ADAM32: variants seen among roughly 807,000 people sequenced by gnomAD.
The protein encoded by ADAM32 is ADAM metallopeptidase domain 32, also known as disintegrin and metalloproteinase domain-containing protein 32.
Under a neutral mutation model 114.9 loss-of-function variants are expected in ADAM32, and 89 were observed. The observed-to-expected ratio is 0.77, with a 90% CI of 0.65 to 0.92. The LOEUF is 0.92. Ranked by LOEUF, ADAM32 falls within the 40% of genes least tolerant of loss-of-function variation. The pLI is 0.00. For missense variants in ADAM32, 870 were observed against 932.8 expected (o/e 0.93, Z 0.88); for synonymous variants, 285 against 307.5 (o/e 0.93, Z 0.77).
chr8:39,242,374 T>C (rs774868189), intron 16 of ADAM32, among the ~76,000 whole-genome samples: 6 of 152,200 alleles, frequency 3.9e-5, no homozygotes, highest in Non-Finnish European at 8.8e-5. Flanking sequence ...CTGGTACCAA[T>C]TTACTGTATT....
intron 17 of ADAM32, among the ~76,000 whole-genome samples, chr8:39,251,821 A>G (rs1342483457): frequency 1.3e-5 from 2 of 151,640 alleles, no homozygotes; most frequent in Non-Finnish European, 1.5e-5. Context: ...ATTTTCCTAC[A>G]TTTTCTCCTG....
At chr8:39,144,054 T>C (rs1018779885) in intron 3 of ADAM32, among the ~76,000 whole-genome samples, 4 of 152,238 alleles carry the variant, frequency 2.6e-5, no homozygotes, top group Non-Finnish European at 5.9e-5. Flanking sequence ...TCTCCTGGTC[T>C]GCTGATTGCT....
intron 1 of ADAM32, among the ~76,000 whole-genome samples, chr8:39,112,124 C>T (rs140821007): frequency 9.4e-4 from 143 of 152,184 alleles, no homozygotes; most frequent in African/African-American, 3.3e-3. Flanking sequence ...GTCAATTTTA[C>T]TATATTTTTA....
chr8:39,124,649 C>G (rs1340874566), intron 2 of ADAM32, among the ~76,000 whole-genome samples: 3 of 152,086 alleles, frequency 2.0e-5, no homozygotes, highest in Non-Finnish European at 4.4e-5. Context: ...ATCTCCTGAC[C>G]TTGTGATCCA....
chr8:39,184,966 C>G (rs1482195023), intron 10 of ADAM32, among the ~76,000 whole-genome samples: 1 of 152,072 alleles, frequency 6.6e-6, no homozygotes, highest in East Asian at 1.9e-4. Context: ...ACTCCTGGTC[C>G]CAATGTTCCT....
intron 11 of ADAM32, among the ~76,000 whole-genome samples, chr8:39,189,412 G>T (rs966294653): frequency 1.3e-5 from 2 of 151,898 alleles, no homozygotes; most frequent in Non-Finnish European, 2.9e-5. Context: ...ATACTTAAGC[G>T]CTCCTTCCAT....
intron 19 of ADAM32, among the ~76,000 whole-genome samples, chr8:39,260,039 T>G (rs1401253345): frequency 6.6e-6 from 1 of 152,202 alleles, no homozygotes; most frequent in Non-Finnish European, 1.5e-5. Context: ...ACTTTTTCAT[T>G]CTAGGTTCAA....
intron 17 of ADAM32, among the ~76,000 whole-genome samples, chr8:39,251,673 T>C (rs984103654): frequency 6.6e-6 from 1 of 151,974 alleles, no homozygotes; most frequent in Non-Finnish European, 1.5e-5. Context: ...GGGTTGTCTC[T>C]TCACTTTGTT....
chr8:39,131,552 G>T (rs536001309), intron 2 of ADAM32, among the ~76,000 whole-genome samples: 2 of 152,224 alleles, frequency 1.3e-5, no homozygotes, highest in African/African-American at 2.4e-5. Flanking sequence ...CTCCATTATT[G>T]TGAGTGGAGT....
chr8:39,222,254 C>A (rs949577038), intron 13 of ADAM32, among the ~76,000 whole-genome samples: 4 of 151,962 alleles, frequency 2.6e-5, no homozygotes, highest in Non-Finnish European at 5.9e-5. Flanking sequence ...CTTTTCAGCT[C>A]TTCTAAAATA....
In ADAM32 at chr8:39,192,523, A is replaced by G. The variant is rs552715030; in HGVS notation, c.1052+5478A>G. ...ATGTAGCCTGTTTACATTAAGGGTC[A>G]ATATAAATATGTGTGAATTTGATCC... On this transcript the variant is annotated intron_variant, in intron 11 of 24. Coordinates refer to ENST00000379907, the MANE Select transcript of ADAM32 (RefSeq NM_145004.7). Among the ~76,000 whole-genome samples the G allele has an allele frequency of 2.0e-4, 30 of 152,324 alleles. 1 individual carries two copies. Among genetic ancestry groups the G allele is most frequent in the Admixed American group, 3.3e-4 (5 of 15,292 alleles).
rs566478931 is a variant in ADAM32, at chr8:39,147,142, A to G, written c.213A>G (p.Ala71=). ...TTTTTATATTCAGATATTTTTTAGC[A>G]GATAATTTTATGATCTATTTGTACA... is the stretch of plus-strand genomic sequence containing the variant. ...TVHLKQRYFL[A]DNFMIYLYNQ... Residue 71 remains alanine, a synonymous_variant, in exon 4 of 25, where the codon GCA becomes GCG. Coordinates refer to ENST00000379907, the MANE Select transcript of ADAM32 (RefSeq NM_145004.7). 3.1e-6 allele frequency: 3 copies of G among 978,636 alleles called. No individual in the cohort carries two copies. In the South Asian group the frequency reaches 8.1e-5, roughly 26 times the overall value. 60.6% of individuals were successfully genotyped at this position (978,636 alleles called of 1,614,324 possible). A position where few individuals can be genotyped will look rare whatever the true frequency, so the allele number is the denominator to read the frequency against.
At chr8:39,264,957 GTGT>G (rs1374409291) in intron 19 of ADAM32, among the ~76,000 whole-genome samples, 1 of 152,022 alleles carries the variant, frequency 6.6e-6, no homozygotes. Context: ...TTACATTGTG[GTGT>G]TGTTGGGTGG....
intron 10 of ADAM32, among the ~76,000 whole-genome samples, chr8:39,180,157 G>C (rs181324813): frequency 6.6e-6 from 1 of 152,196 alleles, no homozygotes; most frequent in Admixed American, 6.5e-5. Context: ...CAGCGCTTGC[G>C]GGCCAGCTGG....
intron 3 of ADAM32, 119 bp downstream of exon 3, chr8:39,136,837 G>A (rs1219967224): frequency 2.9e-6 from 2 of 683,492 alleles, no homozygotes; most frequent in Non-Finnish European, 4.5e-6. Context: ...ATTGTCTTAA[G>A]TGAAGAGATG....
chr8:39,232,166 CTTATA>C (rs777016610), intron 15 of ADAM32, 31 bp downstream of exon 15: 8 of 1,511,368 alleles, frequency 5.3e-6, no homozygotes, highest in East Asian at 2.3e-5. Flanking sequence ...TGATACTTTT[CTTATA>C]TTCTATTAGA....
intron 1 of ADAM32, among the ~76,000 whole-genome samples, chr8:39,116,677 T>C (rs1228984253): frequency 2.0e-5 from 3 of 152,182 alleles, no homozygotes; most frequent in Non-Finnish European, 4.4e-5. Flanking sequence ...TCATATCGTC[T>C]GTGAAGAGAG....
chr8:39,184,484 C>T (rs1314502521), intron 10 of ADAM32, among the ~76,000 whole-genome samples: 1 of 152,208 alleles, frequency 6.6e-6, no homozygotes, highest in Non-Finnish European at 1.5e-5. Context: ...GACTACCTGA[C>T]CTCCATAAGC....
intron 19 of ADAM32, among the ~76,000 whole-genome samples, chr8:39,268,466 G>A (rs938972585): frequency 1.3e-5 from 2 of 151,982 alleles, no homozygotes; most frequent in East Asian, 1.9e-4. Flanking sequence ...TTTTGAAATG[G>A]GTTTGTTGTA....
Sources: gnomAD v4.1 joint callset for allele counts (sites outside exome capture counted in the v4.1 genomes callset) on GRCh38, gnomAD v4.1.1 for gene constraint, MANE v1.5 for transcripts, NCBI Gene and HGNC (gene_info 2026-07-23, HGNC 2026-07-21) for gene names.